The following EIF5B variants were observed in gnomAD, a reference collection of about 807,000 sequenced individuals.
The protein encoded by EIF5B is eIF-5B.
EIF5B carries 47 observed loss-of-function variants against 147.5 expected under a neutral mutation model. That is an observed-to-expected ratio of 0.32 (90% CI 0.25 to 0.41). The LOEUF is 0.41. Ranked by LOEUF, EIF5B falls within the 10% of genes least tolerant of loss-of-function variation. The probability of loss-of-function intolerance (pLI) is 1.00; values close to 1 mark genes in which losing one functional copy is unlikely to be tolerated. For synonymous variants in EIF5B, 455 were observed against 456.2 expected, an observed-to-expected ratio of 1.00 and a Z score of 0.03; for missense variants, 1,064 against 1,413.2, an observed-to-expected ratio of 0.75 and a Z score of 3.96.
rs750408765 is a variant in EIF5B at position 99,382,143 on chromosome 2, T to TC, written c.2062-12dup. On this transcript the variant is annotated splice_polypyrimidine_tract_variant and intron_variant, in intron 12 of 23. Coordinates refer to ENST00000289371, the MANE Select transcript of EIF5B (RefSeq NM_015904.4). ...CTGACTTTCTTAAACTTTGAACTTT[T>TC]CCCCATTGTTTCTAGTTTGATAGAG... 24 of 1,609,548 alleles carry TC rather than the reference T, an allele frequency of 1.5e-5. No individual in the cohort carries two copies. Among genetic ancestry groups the TC allele is most frequent in the Non-Finnish European group, 2.0e-5 (24 of 1,176,980 alleles).
intron 18 of EIF5B, among the ~76,000 whole-genome samples, chr2:99,393,543 A>G (rs1053091437): frequency 6.6e-5 from 10 of 151,814 alleles, no homozygotes; most frequent in Non-Finnish European, 1.0e-4. Flanking sequence ...TTTTTGGCCC[A>G]TGTCCATTGT....
intron 1 of EIF5B, among the ~76,000 whole-genome samples, chr2:99,345,519 G>A (rs1313716234): frequency 1.3e-5 from 2 of 151,562 alleles, no homozygotes; most frequent in Non-Finnish European, 2.9e-5. Flanking sequence ...GCTTGAACCC[G>A]GGAGGTGGAG....
In EIF5B at chr2:99,382,888, T is replaced by C. The variant is rs560802947; in HGVS notation, c.2238T>C (p.Ser746=). 8.1e-6 allele frequency: 13 copies of C among 1,609,934 alleles called. No individual in the cohort carries two copies. The African/African-American group carries it at 1.5e-4, about 18-fold the overall frequency. ...TTGAGTCTATCAACCTTCTCAAATC[T>C]AAAAAATGTCCCTTCATTGTTGCAC... ...QTIESINLLK[S]KKCPFIVALN... The change falls in exon 14 of 24, where the codon TCT becomes TCC. Residue 746 remains serine, a synonymous_variant. Coordinates refer to ENST00000289371, the MANE Select transcript of EIF5B (RefSeq NM_015904.4).
At chr2:99,399,027 C>T in intron 23 of EIF5B, 118 bp downstream of exon 23, 1 of 1,221,234 alleles carries the variant, frequency 8.2e-7, no homozygotes, top group Non-Finnish European at 1.1e-6. Context: ...GGGACTGGAT[C>T]CCCCATTAGG....
In EIF5B at chr2:99,360,558, C is replaced by T. The variant is rs370159221; in HGVS notation, c.246+9C>T. On this transcript the variant is annotated intron_variant, in intron 3 of 23. Coordinates refer to ENST00000289371, the MANE Select transcript of EIF5B (RefSeq NM_015904.4). ...AAACTGTTGCAGTGAAGGTGAAAGA[C>T]AGACCTTTGTTACCTATTCGTATTT... 3.7e-6 allele frequency: 6 copies of T among 1,609,382 alleles called. No homozygotes were observed. In the African/African-American group the frequency reaches 5.4e-5, roughly 14 times the overall value.
chr2:99,395,360 G>T (rs908331963), intron 21 of EIF5B, among the ~76,000 whole-genome samples: 1 of 152,176 alleles, frequency 6.6e-6, no homozygotes, highest in African/African-American at 2.4e-5. Context: ...TTGAGACAGG[G>T]TCTCGTTCTG....
intron 1 of EIF5B, among the ~76,000 whole-genome samples, chr2:99,349,069 T>C (rs540062091): frequency 2.9e-4 from 44 of 152,336 alleles, no homozygotes; most frequent in African/African-American, 9.9e-4. Flanking sequence ...GCAGTGAGCA[T>C]TCCAAGAGAC....
Position 99,360,457 on chromosome 2 carries a change from T to G in EIF5B, c.162-8T>G, listed in dbSNP as rs749997963. ...AGTGCTTCACAATGTATTTTAATCC[T>G]TTTCTAGTGAAGATGATATCCTGAA... On this transcript the variant is annotated splice_region_variant and splice_polypyrimidine_tract_variant and intron_variant, in intron 2 of 23. Coordinates refer to ENST00000289371, the MANE Select transcript of EIF5B (RefSeq NM_015904.4). The G allele has an allele frequency of 6.2e-7, 1 of 1,611,912 alleles. No individual in the cohort carries two copies. The highest frequency in any genetic ancestry group is 8.5e-7 in the Non-Finnish European group (1 of 1,179,112).
chr2:99,356,777 G>A (rs1206869612), intron 1 of EIF5B, among the ~76,000 whole-genome samples: 1 of 152,100 alleles, frequency 6.6e-6, no homozygotes, highest in Admixed American at 6.6e-5. Context: ...TTCTTACCAG[G>A]AATTGGTATT....
rs1308246091 is a variant in EIF5B, at chr2:99,361,254, A to G, written c.353A>G (p.Asp118Gly). 3.1e-6 allele frequency: 5 copies of G among 1,613,062 alleles called. No homozygotes were observed. Among genetic ancestry groups the G allele is most frequent in the Non-Finnish European group, 3.4e-6 (4 of 1,179,828 alleles). The change falls in exon 4 of 24, where the codon GAT (aspartate) becomes GGT (glycine). Residue 118 changes from aspartate (D) to glycine (G), a missense_variant. Physicochemically the swap from Asp to Gly is moderately conservative, Grantham distance 94. This residue lies in a region of EIF5B where 458 missense variants were observed against 451.3 expected (regional missense o/e 1.01). Transcript: ENST00000289371. ...GATAATGATAGCGAAGAATTGGAAG[A>G]TAAAGATTCAAAATCAAAAAAGACT... is the stretch of plus-strand genomic sequence containing the variant. The part of the protein sequence containing the change: ...FDDNDSEELE[D>G]KDSKSKKTAK...
intron 14 of EIF5B, among the ~76,000 whole-genome samples, chr2:99,386,468 CGTGTGT>C (rs61494312): frequency 0.16 from 22,375 of 142,310 alleles, 2,201 homozygotes; most frequent in African/African-American, 0.27. Context: ...TTTTGTTTTG[CGTGTGT>C]GTGTGTGTGT....
chr2:99,355,192 T>TA (rs1278054764), intron 1 of EIF5B, among the ~76,000 whole-genome samples: 1 of 152,216 alleles, frequency 6.6e-6, no homozygotes, highest in African/African-American at 2.4e-5. Context: ...ACCAAGAGCT[T>TA]TGCTTAAGTC....
Position 99,400,815 on chromosome 2 carries a change from G to T in EIF5B, c.*1401G>T, listed in dbSNP as rs952735297. 1 of 153,520 alleles carries T rather than the reference G, an allele frequency of 6.5e-6. No homozygotes were observed. The highest frequency in any genetic ancestry group is 1.5e-5 in the Non-Finnish European group (1 of 68,754). 9.5% of individuals were successfully genotyped at this position (153,520 alleles called of 1,614,324 possible). A position where few individuals can be genotyped will look rare whatever the true frequency, so the allele number is the denominator to read the frequency against. On this transcript the variant is annotated 3_prime_UTR_variant, in exon 24 of 24. Transcript: ENST00000289371. The stretch of plus-strand genomic sequence containing the variant: ...CCTTTCTTGGAACAAGTAGAATCCC[G>T]GTCTGAGACCTCTCAGGAATTTCAG...
intron 3 of EIF5B, among the ~76,000 whole-genome samples, chr2:99,360,870 T>G: frequency 6.6e-6 from 1 of 152,214 alleles, no homozygotes; most frequent in East Asian, 1.9e-4. Flanking sequence ...TTTTCTTCTT[T>G]CAACTTGTCC....
At chr2:99,368,455 G>C (rs1451673809) in intron 6 of EIF5B, 38 bp from the exon 7 acceptor site, 1 of 1,448,910 alleles carries the variant, frequency 6.9e-7, no homozygotes, top group Non-Finnish European at 9.7e-7. Flanking sequence ...TGACATGCAA[G>C]TAGTATAAGC....
At chr2:99,366,227 G>A (rs1013248780) in intron 6 of EIF5B, among the ~76,000 whole-genome samples, 3 of 152,198 alleles carry the variant, frequency 2.0e-5, no homozygotes, top group Admixed American at 6.5e-5. Flanking sequence ...AAGTCTTGGT[G>A]TTGATTCCAA....
chr2:99,384,184 G>A (rs1432451445), intron 14 of EIF5B, among the ~76,000 whole-genome samples: 2 of 70,050 alleles, frequency 2.9e-5, no homozygotes, highest in African/African-American at 7.4e-5. Flanking sequence ...GTGACAGAGC[G>A]AGACTCCGTC....
At chr2:99,365,808 A>G (rs1324871422) in intron 6 of EIF5B, among the ~76,000 whole-genome samples, 1 of 152,042 alleles carries the variant, frequency 6.6e-6, no homozygotes, top group Non-Finnish European at 1.5e-5. Context: ...TCTACTAATA[A>G]GAATCCAAAT....
At chr2:99,381,860 C>G (rs866241334) in intron 12 of EIF5B, among the ~76,000 whole-genome samples, 2 of 152,094 alleles carry the variant, frequency 1.3e-5, no homozygotes, top group African/African-American at 4.8e-5. Flanking sequence ...CAGATGACTG[C>G]CCTGCGATTC....
Sources: gnomAD v4.1 joint callset for allele counts (sites outside exome capture counted in the v4.1 genomes callset) on GRCh38, gnomAD v4.1.1 for gene constraint, gnomAD v4.1.1 regional missense constraint, MANE v1.5 for transcripts, NCBI Gene and HGNC (gene_info 2026-07-23, HGNC 2026-07-21) for gene names.